ZMYM4: variants seen among roughly 807,000 people sequenced by gnomAD.
ZMYM4 encodes zinc finger MYM-type protein 4.
ZMYM4 carries 31 observed loss-of-function variants against 183.2 expected under a neutral mutation model. The observed-to-expected ratio is 0.17, with a 90% CI of 0.13 to 0.23. The LOEUF is 0.23. ZMYM4 is among the 10% of genes least tolerant of loss of function. The pLI, the probability that ZMYM4 is intolerant of heterozygous loss-of-function variation, is 1.00. For synonymous variants in ZMYM4, 592 were observed against 631.2 expected (o/e 0.94, Z 0.93); for missense variants, 1,273 against 1,840.3 (o/e 0.69, Z 5.64).
At position 35,370,548 on chromosome 1, in the gene ZMYM4, C is replaced by A; in HGVS notation, c.1102C>A (p.Leu368Met). Reference sequence around the variant, plus strand: ...GTCTACTCAGCTATTCTGCTCCACACTGTGCCTCACTGGATATACAGTTCC... The same window carrying A: ...GTCTACTCAGCTATTCTGCTCCACAATGTGCCTCACTGGATATACAGTTCC... ...KGSTQLFCST[L>M]CLTGYTVPPA... is the part of the protein sequence containing the mutation. Residue 368 changes from leucine to methionine, a missense_variant, in exon 7 of 30, where the codon CTG becomes ATG. Leu to Met is a conservative substitution (Grantham distance 15). This residue lies in a region of ZMYM4 where 384 missense variants were observed against 465.6 expected (regional missense o/e 0.82). Transcript: ENST00000314607. 1 of 1,613,616 alleles carries A rather than the reference C, an allele frequency of 6.2e-7. No homozygotes were observed. The highest frequency in any genetic ancestry group is 1.1e-5 in the South Asian group (1 of 91,060).
chr1:35,368,563 G>GT (rs1273337412), intron 5 of ZMYM4, among the ~76,000 whole-genome samples: 4 of 152,018 alleles, frequency 2.6e-5, no homozygotes, highest in African/African-American at 7.3e-5. Context: ...TTTAAATGGT[G>GT]TTTTTTTCAT....
intron 2 of ZMYM4, among the ~76,000 whole-genome samples, chr1:35,333,194 T>C (rs754009209): frequency 1.3e-5 from 2 of 152,182 alleles, no homozygotes; most frequent in Non-Finnish European, 2.9e-5. Flanking sequence ...GTTTGGATCT[T>C]CATGGCATTA....
intron 1 of ZMYM4, among the ~76,000 whole-genome samples, chr1:35,300,704 T>C (rs570919781): frequency 6.6e-6 from 1 of 152,358 alleles, no homozygotes; most frequent in African/African-American, 2.4e-5. Flanking sequence ...ATTTTCATCT[T>C]AGACATTGGG....
intron 7 of ZMYM4, among the ~76,000 whole-genome samples, chr1:35,371,413 G>A (rs1236561451): frequency 6.6e-6 from 1 of 152,002 alleles, no homozygotes; most frequent in East Asian, 1.9e-4. Context: ...ACCGCGCTTG[G>A]CCTATATTTT....
intron 2 of ZMYM4, among the ~76,000 whole-genome samples, chr1:35,345,456 C>CT (rs879777950): frequency 2.5e-4 from 36 of 145,506 alleles, no homozygotes; most frequent in Middle Eastern, 3.5e-3. Flanking sequence ...CCCCGTATTA[C>CT]TTTTTTTTTT....
intron 2 of ZMYM4, among the ~76,000 whole-genome samples, chr1:35,340,438 T>C (rs1463795228): frequency 6.6e-6 from 1 of 152,002 alleles, no homozygotes; most frequent in Admixed American, 6.6e-5. Context: ...TATTAGATTG[T>C]GATATATAAT....
At chr1:35,269,453 GT>G (rs1639486106) in intron 1 of ZMYM4, among the ~76,000 whole-genome samples, 1 of 152,034 alleles carries the variant, frequency 6.6e-6, no homozygotes, top group Admixed American at 6.6e-5. Flanking sequence ...TCAGGTGGGG[GT>G]GGTGGTGGCG....
intron 7 of ZMYM4, among the ~76,000 whole-genome samples, chr1:35,375,418 T>A (rs1012553976): frequency 6.6e-6 from 1 of 152,218 alleles, no homozygotes; most frequent in East Asian, 1.9e-4. Context: ...GGTAAAAGAT[T>A]TGCTTGTGTC....
rs1644670085 is a variant in ZMYM4, at chr1:35,390,015, T to C, written c.2504T>C (p.Met835Thr). The C allele has an allele frequency of 1.9e-6, 3 of 1,613,840 alleles. No individual in the cohort carries two copies. Among genetic ancestry groups the C allele is most frequent in the Non-Finnish European group, 1.7e-6 (2 of 1,179,954 alleles). ...GAGTCCTTGAAATGGCGAGGGGAAATGAAACATTTCTGTAACCTGCTTTGT... is the reference window on the plus strand; with the variant it reads ...GAGTCCTTGAAATGGCGAGGGGAAACGAAACATTTCTGTAACCTGCTTTGT... The part of the protein sequence containing the change: ...LSESLKWRGE[M>T]KHFCNLLCIL... The change falls in exon 15 of 30, where the codon ATG (methionine) becomes ACG (threonine). Residue 835 changes from methionine (M) to threonine (T), a missense_variant. Physicochemically the swap from Met to Thr is moderately conservative, Grantham distance 81. Around this residue, in one of 6 missense-constraint regions of ZMYM4, gnomAD observed 290 missense variants for 353.3 expected, o/e 0.82. Transcript: ENST00000314607.
intron 1 of ZMYM4, among the ~76,000 whole-genome samples, chr1:35,283,992 C>A (rs1439457786): frequency 6.6e-6 from 1 of 150,560 alleles, no homozygotes; most frequent in Non-Finnish European, 1.5e-5. Flanking sequence ...TTTTTTGAGA[C>A]GGAGTCTCGC....
intron 1 of ZMYM4, chr1:35,308,970 CA>C: frequency 2.0e-6 from 2 of 985,236 alleles, no homozygotes; most frequent in Non-Finnish European, 1.2e-6. Flanking sequence ...TTAGAGCAGA[CA>C]GCCTTGTTTG....
chr1:35,411,740 T>C (rs1351033802), intron 26 of ZMYM4, among the ~76,000 whole-genome samples: 2 of 152,216 alleles, frequency 1.3e-5, no homozygotes, highest in Non-Finnish European at 2.9e-5. Flanking sequence ...ACAGGATGTC[T>C]TTCTGTTTAT....
intron 26 of ZMYM4, among the ~76,000 whole-genome samples, chr1:35,413,267 A>T (rs570749877): frequency 1.3e-5 from 2 of 151,400 alleles, no homozygotes; most frequent in African/African-American, 4.9e-5. Flanking sequence ...TTAGTCTTGC[A>T]CTATTGACCT....
chr1:35,381,743 C>G lies in ZMYM4; in HGVS notation c.1554C>G (p.Ile518Met). Residue 518 changes from isoleucine to methionine, a missense_variant, in exon 9 of 30, where the codon ATC (isoleucine) becomes ATG (methionine). By Grantham distance (10) the Ile-to-Met change is conservative. Coordinates refer to ENST00000314607, the MANE Select transcript of ZMYM4 (RefSeq NM_005095.3). Reference sequence around the variant, plus strand: ...AGAAGTTTTGTAGTTCATCGTGTATCACGGCATACAAGCAGGTACATGACC... The same window carrying G: ...AGAAGTTTTGTAGTTCATCGTGTATGACGGCATACAAGCAGGTACATGACC... Reference protein sequence around the residue: ...QSKKFCSSSCITAYKQKSAKI... With the variant: ...QSKKFCSSSCMTAYKQKSAKI... The G allele has an allele frequency of 1.9e-6, 3 of 1,614,100 alleles. No homozygotes were observed. The highest frequency in any genetic ancestry group is 2.5e-6 in the Non-Finnish European group (3 of 1,180,022).
chr1:35,419,074 C>T (rs1202327853), intron 29 of ZMYM4, among the ~76,000 whole-genome samples: 1 of 152,112 alleles, frequency 6.6e-6, no homozygotes, highest in Admixed American at 6.6e-5. Flanking sequence ...ATATTGGGCA[C>T]TTCCAATATG....
At chr1:35,372,510 G>T (rs1042522237) in intron 7 of ZMYM4, among the ~76,000 whole-genome samples, 4 of 152,040 alleles carry the variant, frequency 2.6e-5, no homozygotes. Context: ...GGTGAGAATA[G>T]ATATAAAATG....
At position 35,294,170 on chromosome 1, in the gene ZMYM4, A is replaced by G. The variant is rs373904570; in HGVS notation, c.39+25085A>G. Among the ~76,000 whole-genome samples the G allele has an allele frequency of 1.3e-3, 199 of 152,092 alleles. 1 individual carries two copies. Among genetic ancestry groups the G allele is most frequent in the African/African-American group, 4.5e-3 (188 of 41,502 alleles). On this transcript the variant is annotated intron_variant, in intron 1 of 29. Coordinates refer to ENST00000314607, the MANE Select transcript of ZMYM4 (RefSeq NM_005095.3). Reference sequence around the variant, plus strand: ...AAAAGGAATCAAAATGTTTGTTCCAATTATTCTTTCATTCAGTCTTTTCTC... The same window carrying G: ...AAAAGGAATCAAAATGTTTGTTCCAGTTATTCTTTCATTCAGTCTTTTCTC...
intron 1 of ZMYM4, among the ~76,000 whole-genome samples, chr1:35,307,824 G>A (rs1038369524): frequency 8.6e-5 from 13 of 150,846 alleles, no homozygotes; most frequent in African/African-American, 1.5e-4. Flanking sequence ...GTGAGCCACC[G>A]CGCCTGGCTA....
intron 1 of ZMYM4, among the ~76,000 whole-genome samples, chr1:35,283,144 T>C (rs1312378532): frequency 1.3e-5 from 2 of 148,888 alleles, no homozygotes; most frequent in Non-Finnish European, 3.0e-5. Flanking sequence ...TAGCTGGGAT[T>C]ACAGGTGTGT....
Sources: allele counts gnomAD v4.1 joint callset (sites outside exome capture counted in the v4.1 genomes callset), GRCh38; gene constraint gnomAD v4.1.1; regional missense constraint gnomAD v4.1.1; transcripts MANE v1.5; gene names NCBI Gene and HGNC (gene_info 2026-07-23, HGNC 2026-07-21).